The following ZNRF3 variants were observed in gnomAD, a reference collection of about 807,000 sequenced individuals.
ZNRF3 encodes the protein zinc and ring finger 3, also known as E3 ubiquitin-protein ligase ZNRF3.
A neutral mutation model predicts 72.5 loss-of-function variants in ZNRF3; 23 were observed. The observed-to-expected ratio is 0.32, with a 90% CI of 0.23 to 0.45. ZNRF3 has a LOEUF of 0.45. Ranked by LOEUF, ZNRF3 falls within the 20% of genes least tolerant of loss-of-function variation. The probability of loss-of-function intolerance (pLI) is 1.00; values close to 1 mark genes in which losing one functional copy is unlikely to be tolerated. For missense variants in ZNRF3, 1,169 were observed against 1,272.1 expected, an observed-to-expected ratio of 0.92 and a Z score of 1.23; for synonymous variants, 610 against 545.3, an observed-to-expected ratio of 1.12 and a Z score of -1.65.
chr22:28,941,813 AG>A (rs1337079066), intron 1 of ZNRF3, among the ~76,000 whole-genome samples: 1 of 151,970 alleles, frequency 6.6e-6, no homozygotes, highest in African/African-American at 2.4e-5. Context: ...CGGGAGGCTG[AG>A]GTGGGAGAAT....
intron 1 of ZNRF3, among the ~76,000 whole-genome samples, chr22:28,979,032 G>A (rs1300952311): frequency 6.6e-6 from 1 of 151,984 alleles, no homozygotes; most frequent in Non-Finnish European, 1.5e-5. Flanking sequence ...ACTATCACGT[G>A]TCATCCTCTT....
intron 2 of ZNRF3, among the ~76,000 whole-genome samples, chr22:29,005,237 G>A (rs1482191327): frequency 6.6e-6 from 1 of 152,216 alleles, no homozygotes; most frequent in Non-Finnish European, 1.5e-5. Flanking sequence ...ACCCTCACTT[G>A]CCAGGAGGAA....
intron 1 of ZNRF3, among the ~76,000 whole-genome samples, chr22:28,918,568 G>A (rs2034452412): frequency 7.6e-6 from 1 of 131,282 alleles, no homozygotes; most frequent in East Asian, 3.0e-4. Flanking sequence ...GTGTGTGTGT[G>A]TGTGTGTGTG....
chr22:28,944,752 C>T (rs972184642), intron 1 of ZNRF3, among the ~76,000 whole-genome samples: 3 of 67,990 alleles, frequency 4.4e-5, no homozygotes, highest in Non-Finnish European at 1.0e-4. Context: ...GAGACTCCAT[C>T]TCAAAAAAAA....
Position 29,050,876 on chromosome 22 carries a change from G to T in ZNRF3, c.2695G>T (p.Ala899Ser), listed in dbSNP as rs779050716. Residue 899 changes from alanine (A) to serine (S), a missense_variant, in exon 8 of 9, where the codon GCT becomes TCT. Transcript: ENST00000544604. ...TGGCTGCCCTCCGGAGGAGGCGGGT[G>T]CTGTCAGGGCCAACTTCCCTAGTGC... ...RPGCPPEEAG[A>S]VRANFPSALQ... The T allele has an allele frequency of 3.8e-6, 6 of 1,590,564 alleles. No homozygotes were observed.
chr22:28,919,921 CTG>C (rs2034479926), intron 1 of ZNRF3, among the ~76,000 whole-genome samples: 1 of 152,164 alleles, frequency 6.6e-6, no homozygotes, highest in Admixed American at 6.5e-5. Context: ...ACATTGAACT[CTG>C]TTCATTCTGG....
intron 1 of ZNRF3, among the ~76,000 whole-genome samples, chr22:28,895,193 G>C (rs1208297412): frequency 6.6e-6 from 1 of 152,214 alleles, no homozygotes; most frequent in Non-Finnish European, 1.5e-5. Flanking sequence ...TGAGTCTCAA[G>C]TTATGCTACT....
intron 2 of ZNRF3, among the ~76,000 whole-genome samples, chr22:29,036,711 C>T (rs1436329888): frequency 6.6e-6 from 1 of 152,050 alleles, no homozygotes; most frequent in Non-Finnish European, 1.5e-5. Context: ...CCTATGTCCT[C>T]TGGAAACTAG....
At chr22:28,937,200 TATATATATATATA>T (rs1227317585) in intron 1 of ZNRF3, among the ~76,000 whole-genome samples, 14 of 2,846 alleles carry the variant, frequency 4.9e-3, no homozygotes, top group Admixed American at 0.017. Flanking sequence ...TATATATATA[TATATATATATATA>T]TATTTTTTTT....
intron 1 of ZNRF3, among the ~76,000 whole-genome samples, chr22:28,889,042 G>A (rs1287944285): frequency 6.6e-6 from 1 of 152,050 alleles, no homozygotes; most frequent in Non-Finnish European, 1.5e-5. Flanking sequence ...TTGAATCCGG[G>A]AGGCGGAGGT....
intron 2 of ZNRF3, among the ~76,000 whole-genome samples, chr22:29,001,511 GC>G (rs1162369344): frequency 2.3e-5 from 3 of 132,994 alleles, no homozygotes; most frequent in African/African-American, 8.6e-5. Flanking sequence ...TCGCTCTGTT[GC>G]CCAGGCTGGA....
chr22:28,896,131 TTATTTTTATTTTTATC>T (rs1199095724), intron 1 of ZNRF3, among the ~76,000 whole-genome samples: 1 of 146,766 alleles, frequency 6.8e-6, no homozygotes, highest in African/African-American at 2.6e-5. Flanking sequence ...TTATTTTTAT[TTATTTTTATTTTTATC>T]TTTTTGAGAC....
chr22:29,043,866 T>G (rs1166605185), intron 4 of ZNRF3, among the ~76,000 whole-genome samples: 1 of 152,230 alleles, frequency 6.6e-6, no homozygotes, highest in Non-Finnish European at 1.5e-5. Context: ...GATTACCTTA[T>G]TGAAACTCCC....
intron 2 of ZNRF3, chr22:28,992,854 G>A (rs2035981109): frequency 6.6e-6 from 1 of 152,312 alleles, no homozygotes. Flanking sequence ...AACACAGAGA[G>A]TGATTGTGGT....
intron 1 of ZNRF3, among the ~76,000 whole-genome samples, chr22:28,954,697 G>A (rs1413943365): frequency 6.6e-6 from 1 of 151,532 alleles, no homozygotes; most frequent in African/African-American, 2.4e-5. Flanking sequence ...CCATGACCAT[G>A]GCTCACCACA....
At chr22:28,950,080 A>G (rs566062802) in intron 1 of ZNRF3, among the ~76,000 whole-genome samples, 84 of 152,332 alleles carry the variant, frequency 5.5e-4, no homozygotes, top group South Asian at 2.1e-3. Flanking sequence ...CAAGTATACA[A>G]TGATCAAGAG....
intron 8 of ZNRF3, among the ~76,000 whole-genome samples, chr22:29,052,996 A>G (rs1446554875): frequency 6.6e-6 from 1 of 151,906 alleles, no homozygotes; most frequent in African/African-American, 2.4e-5. Context: ...TTAGCATCTC[A>G]CTCAGTTCTG....
chr22:29,019,417 A>G (rs2036490400), intron 2 of ZNRF3, among the ~76,000 whole-genome samples: 1 of 152,224 alleles, frequency 6.6e-6, no homozygotes, highest in Admixed American at 6.5e-5. Flanking sequence ...GAAGATTACA[A>G]CAGAACAACT....
intron 1 of ZNRF3, among the ~76,000 whole-genome samples, chr22:28,887,233 A>AGTGTGTGT (rs1460152534): frequency 4.1e-5 from 3 of 72,854 alleles, no homozygotes; most frequent in African/African-American, 2.2e-4. Flanking sequence ...AGAGAGAGAG[A>AGTGTGTGT]GAGTGTGTGT....
Sources: gnomAD v4.1 joint callset for allele counts (sites outside exome capture counted in the v4.1 genomes callset) on GRCh38, gnomAD v4.1.1 for gene constraint, MANE v1.5 for transcripts, NCBI Gene and HGNC (gene_info 2026-07-23, HGNC 2026-07-21) for gene names.